The following INPP5F variants were observed in gnomAD, a reference collection of about 807,000 sequenced individuals.
INPP5F encodes inositol polyphosphate-5-phosphatase F.
Under a neutral mutation model 137.2 loss-of-function variants are expected in INPP5F, and 97 were observed. That is an observed-to-expected ratio of 0.71 (90% confidence interval 0.60 to 0.84). The LOEUF (loss-of-function observed/expected upper bound fraction) is 0.84, where lower values mean the gene tolerates loss of function less well. Among genes scored for constraint, INPP5F ranks in the 40% least tolerant of loss-of-function variants. INPP5F has a pLI of 0.00. For missense variants in INPP5F, 1,271 were observed against 1,371.9 expected (o/e 0.93, Z 1.16); for synonymous variants, 504 against 476.9 (o/e 1.06, Z -0.74).
chr10:119,819,574 G>T (rs1268577931), intron 15 of INPP5F: 1 of 1,544,372 alleles, frequency 6.5e-7, no homozygotes, highest in Non-Finnish European at 8.8e-7. Flanking sequence ...ACATTTTACA[G>T]TGTTATTTGG....
At chr10:119,746,637 T>C (rs1848541412) in intron 1 of INPP5F, among the ~76,000 whole-genome samples, 1 of 152,148 alleles carries the variant, frequency 6.6e-6, no homozygotes, top group South Asian at 2.1e-4. Context: ...GATATAAAAA[T>C]TAAAAACTGA....
chr10:119,825,082 C>T (rs1851707688), intron 19 of INPP5F, among the ~76,000 whole-genome samples: 1 of 152,184 alleles, frequency 6.6e-6, no homozygotes, highest in African/African-American at 2.4e-5. Flanking sequence ...GAGAGAAAAT[C>T]CATGTCAGTG....
chr10:119,779,475 A>G (rs935782687), intron 2 of INPP5F, among the ~76,000 whole-genome samples: 1 of 151,772 alleles, frequency 6.6e-6, no homozygotes, highest in African/African-American at 2.4e-5. Flanking sequence ...GCTGGAGTGC[A>G]GTGTCATGAC....
chr10:119,737,453 C>CA (rs1485164201), intron 1 of INPP5F, among the ~76,000 whole-genome samples: 1 of 152,148 alleles, frequency 6.6e-6, no homozygotes, highest in East Asian at 1.9e-4. Flanking sequence ...ATACCTATTC[C>CA]AGGGCCCCGC....
At chr10:119,779,692 T>G (rs532479663) in intron 2 of INPP5F, among the ~76,000 whole-genome samples, 16 of 152,268 alleles carry the variant, frequency 1.1e-4, no homozygotes, top group African/African-American at 3.9e-4. Flanking sequence ...AGTGCTGCAA[T>G]TACAGGCATG....
chr10:119,761,821 G>T (rs1214730682), intron 2 of INPP5F, among the ~76,000 whole-genome samples: 2 of 152,270 alleles, frequency 1.3e-5, no homozygotes, highest in African/African-American at 4.8e-5. Context: ...TCATACCAAA[G>T]ATTTGTAAAT....
At chr10:119,749,123 C>T (rs1848621761) in intron 1 of INPP5F, among the ~76,000 whole-genome samples, 1 of 152,220 alleles carries the variant, frequency 6.6e-6, no homozygotes, top group South Asian at 2.1e-4. Context: ...AGAGCAGGTG[C>T]TGGGAGCAGG....
intron 2 of INPP5F, among the ~76,000 whole-genome samples, chr10:119,770,286 T>A (rs1016989121): frequency 2.6e-5 from 4 of 152,336 alleles, no homozygotes; most frequent in Non-Finnish European, 2.9e-5. Context: ...CTATTTTTTT[T>A]ATTCCTTGTT....
chr10:119,726,712 C>T (rs773439375), intron 1 of INPP5F, among the ~76,000 whole-genome samples: 15 of 152,246 alleles, frequency 9.9e-5, no homozygotes, highest in Admixed American at 2.0e-4. Flanking sequence ...CCTCTTCCTC[C>T]TTGGAGTAGT....
chr10:119,805,354 AT>A, intron 10 of INPP5F, 29 bp from the exon 11 acceptor site: 6 of 1,562,066 alleles, frequency 3.8e-6, no homozygotes, highest in Non-Finnish European at 5.3e-6. Context: ...TAAATTAAAG[AT>A]TTTTTCTTTC....
At chr10:119,791,321 T>G (rs1211882679) in intron 3 of INPP5F, among the ~76,000 whole-genome samples, 196 bp from the exon 4 acceptor site, 4 of 152,236 alleles carry the variant, frequency 2.6e-5, no homozygotes. Flanking sequence ...GTATTCTTTG[T>G]GTTTTATCCT....
chr10:119,728,770 A>T (rs2134094958), intron 1 of INPP5F, among the ~76,000 whole-genome samples: 1 of 152,334 alleles, frequency 6.6e-6, no homozygotes, highest in South Asian at 2.1e-4. Context: ...TACCTAGTCC[A>T]TTCCATAAGA....
chr10:119,792,472 G>T (rs569289179), intron 6 of INPP5F, among the ~76,000 whole-genome samples: 2 of 152,048 alleles, frequency 1.3e-5, no homozygotes, highest in African/African-American at 4.8e-5. Flanking sequence ...GTAAGTTAAG[G>T]CTGTGGAACT....
intron 3 of INPP5F, among the ~76,000 whole-genome samples, chr10:119,788,346 A>T (rs982959811): frequency 6.6e-6 from 1 of 152,216 alleles, no homozygotes; most frequent in African/African-American, 2.4e-5. Flanking sequence ...TAGATGGAGC[A>T]TGAAGACGGA....
chr10:119,808,558 G>A (rs540162291), intron 13 of INPP5F, among the ~76,000 whole-genome samples: 19 of 152,284 alleles, frequency 1.2e-4, no homozygotes, highest in African/African-American at 4.6e-4. Context: ...GATCATATGA[G>A]TCAATGCATG....
chr10:119,738,648 TACACACACACACAC>T (rs57713774), intron 1 of INPP5F, among the ~76,000 whole-genome samples: 9 of 150,230 alleles, frequency 6.0e-5, no homozygotes, highest in African/African-American at 9.8e-5. Flanking sequence ...AGATTTTAAA[TACACACACACACAC>T]ACACACACAC....
At chr10:119,803,769 A>G (rs2134238541) in intron 9 of INPP5F, among the ~76,000 whole-genome samples, 1 of 152,294 alleles carries the variant, frequency 6.6e-6, no homozygotes, top group African/African-American at 2.4e-5. Context: ...CTGTTAATTC[A>G]GGTTTTCTAT....
chr10:119,753,991 C>G (rs149158706), intron 2 of INPP5F, among the ~76,000 whole-genome samples: 8 of 152,142 alleles, frequency 5.3e-5, no homozygotes, highest in African/African-American at 1.7e-4. Context: ...CTCTTTTTGG[C>G]TTTCTCTGTT....
In INPP5F at chr10:119,732,975, G is replaced by A. The variant is rs551923293; in HGVS notation, c.97+6616G>A. Among the ~76,000 whole-genome samples the A allele has an allele frequency of 2.6e-5, 4 of 152,336 alleles. No individual in the cohort carries two copies. In the South Asian group the frequency reaches 8.3e-4, roughly 32 times the overall value. On this transcript the variant is annotated intron_variant, in intron 1 of 19. Transcript: ENST00000650623. ...GAGAAGTAATTTGCCCAGGTTCACA[G>A]AGGGAGAGCCAGGCTCTAACCCAGT...
Sources: allele counts gnomAD v4.1 joint callset (sites outside exome capture counted in the v4.1 genomes callset), GRCh38; gene constraint gnomAD v4.1.1; transcripts MANE v1.5; gene names NCBI Gene and HGNC (gene_info 2026-07-23, HGNC 2026-07-21).